CSPP1: variants seen among roughly 807,000 people sequenced by gnomAD.
CSPP1 encodes the protein centrosome and spindle pole associated protein 1.
A neutral mutation model predicts 164.4 loss-of-function variants in CSPP1; 126 were observed. That is an observed-to-expected ratio of 0.77 (90% CI 0.66 to 0.89). The LOEUF is 0.89. Among genes scored for constraint, CSPP1 ranks in the 40% least tolerant of loss-of-function variants. The pLI is 0.00. For missense variants in CSPP1, 1,395 were observed against 1,449.8 expected, an observed-to-expected ratio of 0.96 and a Z score of 0.61; for synonymous variants, 472 against 476.7, an observed-to-expected ratio of 0.99 and a Z score of 0.13.
Position 67,185,120 on chromosome 8 carries a change from A to AAAAC in CSPP1, c.3220+5214_3220+5217dup, listed in dbSNP as rs531865798. ...ACTCCGTCTCAAAAAAAAAAAAACA[A>AAAAC]AAACAAACAAACAAACAAACAAAAA... On this transcript the variant is annotated intron_variant, in intron 28 of 30. Transcript: ENST00000678616. Among the ~76,000 whole-genome samples, 265 of 151,268 alleles carry AAAAC rather than the reference A, an allele frequency of 1.8e-3. 5 individuals carry two copies. The highest frequency in any genetic ancestry group is 5.7e-3 in the African/African-American group (233 of 40,952).
chr8:67,162,610 T>C (rs980823494), intron 22 of CSPP1, among the ~76,000 whole-genome samples: 5 of 152,196 alleles, frequency 3.3e-5, no homozygotes, highest in African/African-American at 9.7e-5. Flanking sequence ...GGGAATGACA[T>C]GGCCACTTTT....
chr8:67,159,172 A>G (rs1036903867), intron 21 of CSPP1, 35 bp downstream of exon 21: 2 of 1,566,524 alleles, frequency 1.3e-6, no homozygotes, highest in African/African-American at 1.4e-5. Context: ...TCAAACCCAT[A>G]GTTTAACTCA....
Position 67,164,395 on chromosome 8 carries a change from GA to G in CSPP1, c.2723del (p.Asn908MetfsTer2), listed in dbSNP as rs863225190. ...RKNQLRAEEE[K>X]KNVIMELSEM... ...CTTATCAATGGGAATTTGCAGAGGA[GA>G]AAAAAAATGTAATTATGGAATTATC... On this transcript the variant is annotated frameshift_variant, in exon 24 of 31. Transcript: ENST00000678616. LOFTEE classifies it high-confidence loss of function. 110 of 1,521,688 alleles carry G rather than the reference GA, an allele frequency of 7.2e-5. No homozygotes were observed. Among genetic ancestry groups the G allele is most frequent in the Admixed American group, 1.0e-4 (6 of 59,262 alleles). 94.3% of individuals were successfully genotyped at this position (1,521,688 alleles called of 1,614,324 possible). A position where few individuals can be genotyped will look rare whatever the true frequency, so the allele number is the denominator to read the frequency against.
At chr8:67,161,641 T>A (rs1828376176) in intron 21 of CSPP1, among the ~76,000 whole-genome samples, 170 bp from the exon 22 acceptor site, 1 of 152,234 alleles carries the variant, frequency 6.6e-6, no homozygotes, top group South Asian at 2.1e-4. Context: ...ACATGTTTGA[T>A]CTTATGTAAT....
intron 7 of CSPP1, 55 bp downstream of exon 7, chr8:67,095,787 A>C (rs1812623148): frequency 9.5e-7 from 1 of 1,058,146 alleles, no homozygotes; most frequent in Non-Finnish European, 1.4e-6. Flanking sequence ...TTAATTGTTA[A>C]TATTTGCTGT....
chr8:67,153,626 T>C (rs1826120996), intron 18 of CSPP1, among the ~76,000 whole-genome samples: 1 of 152,078 alleles, frequency 6.6e-6, no homozygotes, highest in Non-Finnish European at 1.5e-5. Context: ...ATATGTTACA[T>C]AATACATTTT....
chr8:67,192,309 G>A (rs1322584613), intron 29 of CSPP1, among the ~76,000 whole-genome samples: 5 of 151,958 alleles, frequency 3.3e-5, no homozygotes, highest in East Asian at 3.9e-4. Flanking sequence ...TCCTAACCTC[G>A]GGTGATCCAC....
chr8:67,169,045 C>G (rs1337734519), intron 24 of CSPP1, among the ~76,000 whole-genome samples: 1 of 152,142 alleles, frequency 6.6e-6, no homozygotes, highest in African/African-American at 2.4e-5. Context: ...AGAGCAGGGG[C>G]ATTGTCTGTG....
At position 67,154,024 on chromosome 8, in the gene CSPP1, G is replaced by A. The variant is rs780885390; in HGVS notation, c.2129G>A (p.Gly710Asp). 2.0e-6 allele frequency: 3 copies of A among 1,526,096 alleles called. No individual in the cohort carries two copies. The highest frequency in any genetic ancestry group is 3.4e-5 in the Admixed American group (2 of 59,000). The allele number at this position is 1,526,096 out of a possible 1,614,324, so 94.5% of individuals were successfully genotyped here. A position where few individuals can be genotyped will look rare whatever the true frequency, so the allele number is the denominator to read the frequency against. ...NLEDAANKSS[G>D]HMQTQSSPFA... ...GTTTTTGCAAAATATTTCTTTCAAG[G>A]TCATATGCAAACACAGAGCTCTCCT... Residue 710 changes from glycine to aspartate, a missense_variant and splice_region_variant, in exon 19 of 31, where the codon GGT (glycine) becomes GAT (aspartate). Gly to Asp is a moderately conservative substitution (Grantham distance 94). Coordinates refer to ENST00000678616, the MANE Select transcript of CSPP1 (RefSeq NM_001382391.1).
intron 17 of CSPP1, among the ~76,000 whole-genome samples, chr8:67,143,317 T>G (rs1823872663): frequency 6.6e-6 from 1 of 152,118 alleles, no homozygotes; most frequent in African/African-American, 2.4e-5. Context: ...CTTTGTTCTT[T>G]TTTTTCAAGA....
chr8:67,192,375 C>T (rs1836593498), intron 29 of CSPP1, among the ~76,000 whole-genome samples: 1 of 152,100 alleles, frequency 6.6e-6, no homozygotes, highest in African/African-American at 2.4e-5. Context: ...GCGCCCAGCC[C>T]TTTGTCCATT....
chr8:67,069,658 C>CT (rs1806297861), intron 1 of CSPP1, among the ~76,000 whole-genome samples: 1 of 134,892 alleles, frequency 7.4e-6, no homozygotes, highest in Non-Finnish European at 1.6e-5. Context: ...TTTTTCTTTT[C>CT]TTTCTTTTTT....
chr8:67,128,263 G>T (rs1171158404), intron 15 of CSPP1, among the ~76,000 whole-genome samples: 2 of 152,130 alleles, frequency 1.3e-5, no homozygotes, highest in Non-Finnish European at 2.9e-5. Context: ...TGTTGGCCGG[G>T]TGCAGTGGCT....
At chr8:67,183,003 T>C (rs531261941) in intron 28 of CSPP1, among the ~76,000 whole-genome samples, 2 of 152,364 alleles carry the variant, frequency 1.3e-5, no homozygotes, top group Admixed American at 1.3e-4. Context: ...TTATCTTTTC[T>C]TTTGTTGCCT....
At chr8:67,170,057 A>G (rs1164486257) in intron 24 of CSPP1, among the ~76,000 whole-genome samples, 1 of 151,910 alleles carries the variant, frequency 6.6e-6, no homozygotes, top group African/African-American at 2.4e-5. Context: ...CCATATTTCT[A>G]TGTGTGATTT....
At chr8:67,134,868 A>G (rs1033647538) in intron 16 of CSPP1, 2 of 152,062 alleles carry the variant, frequency 1.3e-5, no homozygotes, top group Non-Finnish European at 2.9e-5. Context: ...CGGCTGATTT[A>G]GCATCATTCT....
At chr8:67,157,766 T>G (rs1826951442) in intron 19 of CSPP1, 1 of 152,244 alleles carries the variant, frequency 6.6e-6, no homozygotes, top group Non-Finnish European at 1.5e-5. Flanking sequence ...GTGTGGACTA[T>G]CTATCTCTTA....
chr8:67,154,199 A>AT, intron 19 of CSPP1, 63 bp downstream of exon 19: 5 of 805,482 alleles, frequency 6.2e-6, no homozygotes, highest in Non-Finnish European at 1.1e-5. Flanking sequence ...ACTTGCAAAG[A>AT]TTTTCTCCAG....
chr8:67,120,114 G>A (rs1818692690), intron 15 of CSPP1, among the ~76,000 whole-genome samples: 1 of 152,098 alleles, frequency 6.6e-6, no homozygotes, highest in Admixed American at 6.5e-5. Context: ...AGCACCATTT[G>A]TTGGAAAGAC....
Sources: gnomAD v4.1 joint callset for allele counts (sites outside exome capture counted in the v4.1 genomes callset) on GRCh38, gnomAD v4.1.1 for gene constraint, MANE v1.5 for transcripts, NCBI Gene and HGNC (gene_info 2026-07-23, HGNC 2026-07-21) for gene names.